Variants in GRM7 observed in about 807,000 individuals in gnomAD.
The protein encoded by GRM7 is glutamate metabotropic receptor 7.
A neutral mutation model predicts 84.5 loss-of-function variants in GRM7; 35 were observed. The observed-to-expected ratio is 0.41, with a 90% CI of 0.32 to 0.55. The LOEUF is 0.55. GRM7 is among the 20% of genes least tolerant of loss of function. The pLI is 0.19. For synonymous variants in GRM7, 487 were observed against 455.1 expected (o/e 1.07, Z -0.89); for missense variants, 1,003 against 1,194.6 (o/e 0.84, Z 2.36).
chr3:7,693,579 T>A, intron 9 of GRM7: 1 of 1,059,740 alleles, frequency 9.4e-7, no homozygotes, highest in Non-Finnish European at 1.4e-6. Flanking sequence ...TGCATTTAAT[T>A]TCCTGTGGTT....
rs573494537 is a variant in GRM7 at position 6,997,577 on chromosome 3, C to T, written c.519+135670C>T. On this transcript the variant is annotated intron_variant, in intron 1 of 9. Transcript: ENST00000357716. Reference sequence around the variant, plus strand: ...GTAACTGCCCCCATGATTCAATTACCTCCCACCTAGTCCTTCCCACAACAT... The same window carrying T: ...GTAACTGCCCCCATGATTCAATTACTTCCCACCTAGTCCTTCCCACAACAT... Among the ~76,000 whole-genome samples the T allele has an allele frequency of 2.0e-5, 3 of 152,294 alleles. No homozygotes were observed. The South Asian group carries it at 6.2e-4, about 32-fold the overall frequency.
At chr3:7,534,827 C>T (rs3804928) in intron 7 of GRM7, among the ~76,000 whole-genome samples, 26,378 of 152,068 alleles carry the variant, frequency 0.17, 2,779 homozygotes, top group South Asian at 0.25. Context: ...GTGAATCTAT[C>T]GAGAAATCTT....
At chr3:6,969,858 G>A (rs1467906082) in intron 1 of GRM7, among the ~76,000 whole-genome samples, 1 of 152,160 alleles carries the variant, frequency 6.6e-6, no homozygotes, top group African/African-American at 2.4e-5. Context: ...CAGAGTACAA[G>A]AGAGTCACCA....
chr3:7,406,425 G>C (rs76468070), intron 4 of GRM7, among the ~76,000 whole-genome samples: 14,922 of 151,024 alleles, frequency 0.099, 888 homozygotes, highest in South Asian at 0.26. Context: ...GCGTGAACCC[G>C]GGGGACGGAG....
intron 2 of GRM7, among the ~76,000 whole-genome samples, chr3:7,292,926 C>CA (rs1375529794): frequency 6.7e-6 from 1 of 149,326 alleles, no homozygotes; most frequent in Non-Finnish European, 1.5e-5. Context: ...CCCAGTTGCT[C>CA]GGGGGGCCAA....
chr3:7,285,416 CGT>C (rs1195728978), intron 2 of GRM7, among the ~76,000 whole-genome samples: 1 of 152,072 alleles, frequency 6.6e-6, no homozygotes, highest in Non-Finnish European at 1.5e-5. Flanking sequence ...GTGTTGTTAT[CGT>C]GTGTTTTATT....
At chr3:7,609,232 G>A (rs1696734055) in intron 8 of GRM7, among the ~76,000 whole-genome samples, 1 of 152,138 alleles carries the variant, frequency 6.6e-6, no homozygotes, top group Non-Finnish European at 1.5e-5. Context: ...AGGAACAAAA[G>A]CACTTAAGTC....
rs927885638 is a variant in GRM7 at position 7,103,036 on chromosome 3, A to C, written c.520-43416A>C. Among the ~76,000 whole-genome samples, 4 of 151,816 alleles carry C rather than the reference A, an allele frequency of 2.6e-5. No homozygotes were observed. The Admixed American group carries it at 2.6e-4, about 10-fold the overall frequency. Reference sequence around the variant, plus strand: ...TTTCTTGCTAATGCAACAACTGGGTAATTTAGAAGCCCGTTTCCACTGATT... The same window carrying C: ...TTTCTTGCTAATGCAACAACTGGGTCATTTAGAAGCCCGTTTCCACTGATT... On this transcript the variant is annotated intron_variant, in intron 1 of 9. Coordinates refer to ENST00000357716, the MANE Select transcript of GRM7 (RefSeq NM_000844.4).
chr3:7,544,386 C>T (rs1693037761), intron 7 of GRM7, among the ~76,000 whole-genome samples: 2 of 152,110 alleles, frequency 1.3e-5, no homozygotes, highest in African/African-American at 4.8e-5. Flanking sequence ...AAATTCCTGG[C>T]TTCAAGTCAT....
chr3:7,281,019 GT>G (rs1699235902), intron 2 of GRM7, among the ~76,000 whole-genome samples: 1 of 152,156 alleles, frequency 6.6e-6, no homozygotes, highest in Non-Finnish European at 1.5e-5. Flanking sequence ...AAAAGTGTCT[GT>G]TCTTTCGTGC....
chr3:6,905,019 C>T (rs1305520527), intron 1 of GRM7, among the ~76,000 whole-genome samples: 1 of 152,052 alleles, frequency 6.6e-6, no homozygotes, highest in African/African-American at 2.4e-5. Context: ...ACACTTGGCT[C>T]CTAATATATC....
chr3:7,496,611 C>T (rs778256454), intron 7 of GRM7, among the ~76,000 whole-genome samples: 23 of 151,944 alleles, frequency 1.5e-4, no homozygotes, highest in Non-Finnish European at 2.8e-4. Context: ...ATAAAATATT[C>T]GTAACATGGA....
At chr3:7,533,924 G>A (rs989802785) in intron 7 of GRM7, among the ~76,000 whole-genome samples, 1 of 150,732 alleles carries the variant, frequency 6.6e-6, no homozygotes, top group Non-Finnish European at 1.5e-5. Flanking sequence ...TAGATGTTAT[G>A]TTGTACATTT....
chr3:7,394,308 C>T (rs1695121164), intron 4 of GRM7, among the ~76,000 whole-genome samples: 1 of 152,168 alleles, frequency 6.6e-6, no homozygotes, highest in African/African-American at 2.4e-5. Flanking sequence ...ATTTCTTCTG[C>T]TCGTTCACAA....
chr3:7,178,378 T>G (rs1243112025), intron 2 of GRM7, among the ~76,000 whole-genome samples: 2 of 151,472 alleles, frequency 1.3e-5, no homozygotes, highest in African/African-American at 2.4e-5. Context: ...AGATTTTGGT[T>G]TTTTTTTTCC....
chr3:7,617,401 C>G (rs766347857), intron 8 of GRM7, among the ~76,000 whole-genome samples: 2 of 152,042 alleles, frequency 1.3e-5, no homozygotes, highest in Non-Finnish European at 2.9e-5. Flanking sequence ...TCAACCCATA[C>G]TTCATGTCTT....
At chr3:7,586,534 G>A (rs773749496) in intron 8 of GRM7, among the ~76,000 whole-genome samples, 7 of 152,164 alleles carry the variant, frequency 4.6e-5, no homozygotes, top group South Asian at 2.1e-4. Flanking sequence ...CAGGCTGGGC[G>A]CAGTGGCTCA....
chr3:6,918,357 G>C (rs1224537444), intron 1 of GRM7, among the ~76,000 whole-genome samples: 1 of 152,162 alleles, frequency 6.6e-6, no homozygotes, highest in African/African-American at 2.4e-5. Context: ...TAGGTACCCA[G>C]TTCCTCCTTC....
rs1574965487 is a variant in GRM7, at chr3:7,151,716, A to G, written c.736+5048A>G. ...CCCTTTAGGAAAAAAGGAAGCATGT[A>G]GAGAAACACCTTACGATATGTAATT... On this transcript the variant is annotated intron_variant, in intron 2 of 9. Coordinates refer to ENST00000357716, the MANE Select transcript of GRM7 (RefSeq NM_000844.4). This position sits in a 1 kb window ranked among gnomAD's most constrained non-coding sequence, Gnocchi z 4.5. Among the ~76,000 whole-genome samples the G allele has an allele frequency of 2.0e-5, 3 of 152,190 alleles. No individual in the cohort carries two copies. In the South Asian group the frequency reaches 6.2e-4, roughly 31 times the overall value.
Sources: allele counts gnomAD v4.1 joint callset (sites outside exome capture counted in the v4.1 genomes callset), GRCh38; gene constraint gnomAD v4.1.1; non-coding constraint Gnocchi (gnomAD v3.1); transcripts MANE v1.5; gene names NCBI Gene and HGNC (gene_info 2026-07-23, HGNC 2026-07-21).